Variants in TAFA1 observed in about 807,000 individuals in gnomAD.
TAFA1 encodes the protein chemokine-like protein TAFA-1.
In TAFA1, 4 loss-of-function variants were observed where a neutral mutation model predicts 18.5. The ratio of observed to expected loss-of-function variants is 0.22; its 90% CI spans 0.11 to 0.49. The LOEUF (loss-of-function observed/expected upper bound fraction) is 0.49, where lower values mean the gene tolerates loss of function less well. Among genes scored for constraint, TAFA1 ranks in the 20% least tolerant of loss-of-function variants. The pLI, the probability that TAFA1 is intolerant of heterozygous loss-of-function variation, is 0.98. For synonymous variants in TAFA1, 56 were observed against 55.2 expected, an observed-to-expected ratio of 1.01 and a Z score of -0.06; for missense variants, 147 against 169.0, an observed-to-expected ratio of 0.87 and a Z score of 0.72.
intron 2 of TAFA1, among the ~76,000 whole-genome samples, chr3:68,104,147 C>T (rs1240703685): frequency 6.6e-6 from 1 of 152,020 alleles, no homozygotes; most frequent in Non-Finnish European, 1.5e-5. Context: ...CTCATGGCTA[C>T]TTTATACCAG....
intron 2 of TAFA1, among the ~76,000 whole-genome samples, chr3:68,388,167 G>A (rs1303199070): frequency 1.3e-5 from 2 of 152,074 alleles, no homozygotes; most frequent in African/African-American, 4.8e-5. Flanking sequence ...GGCGGCTGGA[G>A]ATATGAAGAA....
intron 2 of TAFA1, among the ~76,000 whole-genome samples, chr3:68,094,242 G>A (rs530764546): frequency 6.6e-6 from 1 of 152,050 alleles, no homozygotes; most frequent in Admixed American, 6.6e-5. Flanking sequence ...TTCCAACTTT[G>A]GTGGGTTTGT....
intron 3 of TAFA1, among the ~76,000 whole-genome samples, chr3:68,451,070 C>A (rs568179013): frequency 1.3e-5 from 2 of 152,278 alleles, no homozygotes; most frequent in South Asian, 4.1e-4. Flanking sequence ...CTCTTGACTT[C>A]ATTACTATGA....
intron 2 of TAFA1, among the ~76,000 whole-genome samples, chr3:68,203,159 G>A (rs952369760): frequency 6.6e-6 from 1 of 151,554 alleles, no homozygotes; most frequent in Admixed American, 6.6e-5. Flanking sequence ...AAGGGAAGTT[G>A]GTATAATTCT....
At chr3:68,161,043 T>C (rs2106939557) in intron 2 of TAFA1, among the ~76,000 whole-genome samples, 1 of 152,368 alleles carries the variant, frequency 6.6e-6, no homozygotes, top group South Asian at 2.1e-4. Context: ...TGCCTTTAAT[T>C]GCTTTTGTTT....
At chr3:68,242,928 A>G (rs535460777) in intron 2 of TAFA1, among the ~76,000 whole-genome samples, 129 of 152,242 alleles carry the variant, frequency 8.5e-4, no homozygotes, top group African/African-American at 2.9e-3. Flanking sequence ...AACAGAGAGC[A>G]GAAAAAAGAT....
chr3:68,205,021 TG>T (rs1196545643), intron 2 of TAFA1, among the ~76,000 whole-genome samples: 1 of 151,834 alleles, frequency 6.6e-6, no homozygotes. Context: ...CTACATACAG[TG>T]TAAAACTGAC....
In TAFA1 at chr3:68,305,401, C is replaced by CTA. The variant is rs530597251; in HGVS notation, c.119-111875_119-111874dup. Among the ~76,000 whole-genome samples, 448 of 54,478 alleles carry CTA rather than the reference C, an allele frequency of 8.2e-3. 1 individual carries two copies. Among genetic ancestry groups the CTA allele is most frequent in the East Asian group, 0.027 (29 of 1,092 alleles). 35.7% of individuals were successfully genotyped at this position (54,478 alleles called of 152,430 possible). On this transcript the variant is annotated intron_variant, in intron 2 of 4. Coordinates refer to ENST00000478136, the MANE Select transcript of TAFA1 (RefSeq NM_213609.4). ...GCTATATATATATGACTATATATGA[C>CTA]TATATGACTATATATATATATATAT...
At chr3:68,067,230 T>C (rs2064689631) in intron 2 of TAFA1, among the ~76,000 whole-genome samples, 2 of 152,300 alleles carry the variant, frequency 1.3e-5, no homozygotes, top group South Asian at 2.1e-4. Context: ...ATCCTAAATA[T>C]GCCTAACGTA....
At chr3:68,415,939 C>G (rs2070827774) in intron 2 of TAFA1, among the ~76,000 whole-genome samples, 1 of 152,164 alleles carries the variant, frequency 6.6e-6, no homozygotes, top group African/African-American at 2.4e-5. Context: ...TCATGTTAGG[C>G]CAGGGTTTCT....
intron 2 of TAFA1, among the ~76,000 whole-genome samples, chr3:68,343,693 C>T (rs974707852): frequency 9.2e-5 from 14 of 152,110 alleles, no homozygotes; most frequent in African/African-American, 2.4e-4. Context: ...CACTTGTTGC[C>T]ACATATTTTT....
At chr3:68,353,963 C>T (rs550794789) in intron 2 of TAFA1, among the ~76,000 whole-genome samples, 10 of 152,076 alleles carry the variant, frequency 6.6e-5, no homozygotes, top group South Asian at 4.1e-4. Flanking sequence ...TCTGGGCCTC[C>T]GCTTTCCCAC....
chr3:68,504,723 T>C (rs1481833002), intron 3 of TAFA1, among the ~76,000 whole-genome samples: 2 of 152,208 alleles, frequency 1.3e-5, no homozygotes, highest in East Asian at 3.9e-4. Flanking sequence ...GTTAAGCTAA[T>C]GAGCTTTAAA....
intron 2 of TAFA1, among the ~76,000 whole-genome samples, chr3:68,258,006 A>C (rs1449072138): frequency 2.0e-5 from 3 of 152,166 alleles, no homozygotes; most frequent in South Asian, 4.1e-4. Context: ...CATGAAACAG[A>C]AGGAAAGAAA....
chr3:68,450,320 A>G (rs370174301), intron 3 of TAFA1, among the ~76,000 whole-genome samples: 63 of 152,322 alleles, frequency 4.1e-4, no homozygotes, highest in African/African-American at 1.5e-3. Context: ...ATCTGTTGTG[A>G]ACATGTTGAG....
At chr3:68,373,554 A>G (rs2106822718) in intron 2 of TAFA1, among the ~76,000 whole-genome samples, 1 of 152,308 alleles carries the variant, frequency 6.6e-6, no homozygotes, top group African/African-American at 2.4e-5. Context: ...TGCCCTTTCT[A>G]AGGTACCCCA....
intron 2 of TAFA1, among the ~76,000 whole-genome samples, chr3:68,317,341 A>G (rs866425629): frequency 1.3e-5 from 2 of 152,182 alleles, no homozygotes; most frequent in East Asian, 3.8e-4. Flanking sequence ...TGCCACAACC[A>G]TCTTACTTAG....
At chr3:68,424,260 A>G (rs929181901) in intron 3 of TAFA1, among the ~76,000 whole-genome samples, 5 of 152,042 alleles carry the variant, frequency 3.3e-5, no homozygotes, top group African/African-American at 1.2e-4. Flanking sequence ...ACAGACTGAC[A>G]GAGAAGATGA....
At chr3:68,517,741 C>A (rs2072945595) in intron 3 of TAFA1, among the ~76,000 whole-genome samples, 2 of 152,140 alleles carry the variant, frequency 1.3e-5, no homozygotes, top group Admixed American at 1.3e-4. Context: ...AACAGCATTG[C>A]TGAGATGAGA....
Sources: allele counts gnomAD v4.1 joint callset (sites outside exome capture counted in the v4.1 genomes callset), GRCh38; gene constraint gnomAD v4.1.1; transcripts MANE v1.5; gene names NCBI Gene and HGNC (gene_info 2026-07-23, HGNC 2026-07-21).